The following TLN2 variants were observed in gnomAD, a reference collection of about 807,000 sequenced individuals.
The protein encoded by TLN2 is talin 2, also known as talin-2.
In TLN2, 118 loss-of-function variants were observed where a neutral mutation model predicts 294.7. That is an observed-to-expected ratio of 0.40 (90% CI 0.34 to 0.47). The LOEUF (loss-of-function observed/expected upper bound fraction) is 0.47, where lower values mean the gene tolerates loss of function less well. TLN2 is among the 20% of genes least tolerant of loss of function. The pLI is 0.84. For synonymous variants in TLN2, 1,431 were observed against 1,304.5 expected (o/e 1.10, Z -2.09); for missense variants, 3,083 against 3,282.2 (o/e 0.94, Z 1.48).
chr15:62,407,067 A>G (rs2033451420), intron 1 of TLN2, among the ~76,000 whole-genome samples: 1 of 152,154 alleles, frequency 6.6e-6, no homozygotes, highest in African/African-American at 2.4e-5. Context: ...TTACCTTTAG[A>G]GGCCAAGGGA....
chr15:62,499,496 C>T (rs1056277622), intron 1 of TLN2, among the ~76,000 whole-genome samples: 1 of 152,170 alleles, frequency 6.6e-6, no homozygotes, highest in Non-Finnish European at 1.5e-5. Context: ...AACCAAGCCT[C>T]TTTTAAGCAA....
intron 1 of TLN2, among the ~76,000 whole-genome samples, chr15:62,451,572 G>T (rs1031308318): frequency 2.0e-5 from 3 of 152,174 alleles, no homozygotes; most frequent in African/African-American, 7.2e-5. Context: ...CAGGAGGAAC[G>T]CTTAAACCCA....
At chr15:62,644,382 C>G (rs2051565867) in intron 3 of TLN2, 1 of 409,896 alleles carries the variant, frequency 2.4e-6, no homozygotes, top group Admixed American at 2.7e-5. Context: ...GAATGTTGTT[C>G]CCAGGGCTGA....
chr15:62,727,079 T>A lies in TLN2; in HGVS notation c.3256-8T>A, dbSNP rs1455939294. 2 of 1,613,804 alleles carry A rather than the reference T, an allele frequency of 1.2e-6. No individual in the cohort carries two copies. The highest frequency in any genetic ancestry group is 1.7e-6 in the Non-Finnish European group (2 of 1,179,878). On this transcript the variant is annotated splice_polypyrimidine_tract_variant and splice_region_variant and intron_variant, in intron 27 of 58. Transcript: ENST00000636159. ...CTACGTTCTTTCCCTCCTTGAATAT[T>A]CTTGTAGCTGGAAAAATGTGCTCAG...
chr15:62,530,791 T>C (rs546210168), intron 1 of TLN2, among the ~76,000 whole-genome samples: 1 of 152,370 alleles, frequency 6.6e-6, no homozygotes, highest in East Asian at 1.9e-4. Context: ...TTCTGACACA[T>C]GAAAAATAGT....
intron 2 of TLN2, among the ~76,000 whole-genome samples, chr15:62,596,837 A>C (rs2046569782): frequency 6.6e-6 from 1 of 152,222 alleles, no homozygotes; most frequent in South Asian, 2.1e-4. Context: ...GCTTATAGTG[A>C]AAAGCAACAG....
intron 11 of TLN2, among the ~76,000 whole-genome samples, chr15:62,677,762 CTT>C (rs958304374): frequency 1.5e-5 from 2 of 133,616 alleles, no homozygotes; most frequent in African/African-American, 5.4e-5. Context: ...AATTACATCT[CTT>C]TGAAGAGAAG....
At chr15:62,667,835 G>A (rs1042263556) in intron 9 of TLN2, among the ~76,000 whole-genome samples, 5 of 152,164 alleles carry the variant, frequency 3.3e-5, no homozygotes, top group South Asian at 4.1e-4. Flanking sequence ...AATGAGGTTC[G>A]ATTATGTACA....
chr15:62,590,704 G>C (rs751665921), intron 2 of TLN2, among the ~76,000 whole-genome samples: 3 of 152,088 alleles, frequency 2.0e-5, no homozygotes, highest in Non-Finnish European at 4.4e-5. Context: ...GGTTGTCCTG[G>C]GGGGGTTGTG....
At chr15:62,838,276 T>A (rs1353705636) in intron 57 of TLN2, 1 of 152,324 alleles carries the variant, frequency 6.6e-6, no homozygotes, top group Non-Finnish European at 1.5e-5. Context: ...ACATTGCCGC[T>A]GCTAGGGATG....
At chr15:62,713,701 C>A (rs1412301273) in intron 22 of TLN2, among the ~76,000 whole-genome samples, 1 of 151,878 alleles carries the variant, frequency 6.6e-6, no homozygotes, top group African/African-American at 2.4e-5. Context: ...TATTGTGACA[C>A]ATAGTGAGCC....
At chr15:62,646,854 G>A (rs1020979770) in intron 3 of TLN2, among the ~76,000 whole-genome samples, 13 of 152,162 alleles carry the variant, frequency 8.5e-5, no homozygotes, top group Non-Finnish European at 1.8e-4. Context: ...GGTGCTGAGA[G>A]GACCCAGGGA....
intron 3 of TLN2, chr15:62,645,075 C>G (rs570325326): frequency 6.3e-6 from 1 of 158,606 alleles, no homozygotes; most frequent in African/African-American, 2.4e-5. Flanking sequence ...TTGTTGCCAG[C>G]CCCAGGAGAC....
At chr15:62,458,959 G>C (rs1436398314) in intron 1 of TLN2, among the ~76,000 whole-genome samples, 1 of 151,940 alleles carries the variant, frequency 6.6e-6, no homozygotes, top group Non-Finnish European at 1.5e-5. Flanking sequence ...GGGTCTGCTG[G>C]TTTATATGGC....
chr15:62,521,205 C>T (rs2040440599), intron 1 of TLN2, among the ~76,000 whole-genome samples: 1 of 151,920 alleles, frequency 6.6e-6, no homozygotes. Flanking sequence ...CACATCCCAC[C>T]CTTCTCTTTC....
intron 1 of TLN2, among the ~76,000 whole-genome samples, chr15:62,402,405 A>G (rs897704685): frequency 6.6e-6 from 1 of 152,160 alleles, no homozygotes; most frequent in Non-Finnish European, 1.5e-5. Flanking sequence ...GCTTTCACCT[A>G]CAAGGGCTTC....
At chr15:62,573,636 G>T (rs934750304) in intron 1 of TLN2, among the ~76,000 whole-genome samples, 3 of 152,000 alleles carry the variant, frequency 2.0e-5, no homozygotes, top group African/African-American at 7.3e-5. Flanking sequence ...GGAAGAACCT[G>T]CCCATTTCCC....
intron 1 of TLN2, among the ~76,000 whole-genome samples, chr15:62,479,077 A>C (rs1225678685): frequency 1.3e-5 from 2 of 152,222 alleles, no homozygotes; most frequent in Non-Finnish European, 2.9e-5. Context: ...ATCTAGTGAC[A>C]GGATCGAATC....
chr15:62,675,675 C>CATGG lies in TLN2; in HGVS notation c.957+355_957+356insTGGA, dbSNP rs1269962224. On this transcript the variant is annotated intron_variant, in intron 11 of 58. Coordinates refer to ENST00000636159, the MANE Select transcript of TLN2 (RefSeq NM_015059.3). Reference sequence around the variant, plus strand: ...TCCTGTGGACTAAATGAAGGCTCTTCACCACTGCAGACCAAATCGAATTCA... The same window carrying CATGG: ...TCCTGTGGACTAAATGAAGGCTCTTCATGGACCACTGCAGACCAAATCGAATTCA... Among the ~76,000 whole-genome samples, 6 of 152,234 alleles carry CATGG rather than the reference C, an allele frequency of 3.9e-5. 1 individual carries two copies. Among genetic ancestry groups the CATGG allele is most frequent in the Admixed American group, 3.9e-4 (6 of 15,284 alleles).
Sources: gnomAD v4.1 joint callset for allele counts (sites outside exome capture counted in the v4.1 genomes callset) on GRCh38, gnomAD v4.1.1 for gene constraint, MANE v1.5 for transcripts, NCBI Gene and HGNC (gene_info 2026-07-23, HGNC 2026-07-21) for gene names.